Variants in XKR3 observed in about 807,000 individuals in gnomAD.
The protein encoded by XKR3 is XK-related protein 3.
In XKR3, 27 loss-of-function variants were observed where a neutral mutation model predicts 40.3. The observed-to-expected ratio is 0.67, with a 90% CI of 0.49 to 0.92. XKR3 has a LOEUF of 0.92. Ranked by LOEUF, XKR3 falls within the 40% of genes least tolerant of loss-of-function variation. The probability of loss-of-function intolerance (pLI) is 0.00; values close to 1 mark genes in which losing one functional copy is unlikely to be tolerated. For synonymous variants in XKR3, 193 were observed against 195.4 expected (o/e 0.99, Z 0.10); for missense variants, 472 against 537.6 (o/e 0.88, Z 1.21).
chr22:16,817,992 G>A lies in XKR3; in HGVS notation c.-11+7299C>T, dbSNP rs1222182223. Among the ~76,000 whole-genome samples, 3 of 151,990 alleles carry A rather than the reference G, an allele frequency of 2.0e-5. No individual in the cohort carries two copies. The East Asian group carries it at 5.8e-4, about 29-fold the overall frequency. On this transcript the variant is annotated intron_variant, in intron 1 of 3. Transcript: ENST00000684488. Reference sequence around the variant, plus strand: ...CTGCCAACTTTATTTTTTTTCCAAAGTGTATGGCAGGTATTTCATCTGTTC... The same window carrying A: ...CTGCCAACTTTATTTTTTTTCCAAAATGTATGGCAGGTATTTCATCTGTTC...
intron 1 of XKR3, chr22:16,821,783 T>C (rs1005885567): frequency 9.9e-5 from 15 of 152,120 alleles, no homozygotes; most frequent in African/African-American, 2.9e-4. Flanking sequence ...TTCAATTTCA[T>C]ATAAATTGAA....
At chr22:16,816,592 T>G in intron 1 of XKR3, among the ~76,000 whole-genome samples, 1 of 151,992 alleles carries the variant, frequency 6.6e-6, no homozygotes, top group East Asian at 1.9e-4. Flanking sequence ...ATAAAAATAA[T>G]AGGTTTTATA....
At chr22:16,820,616 T>C (rs1211078125) in intron 1 of XKR3, among the ~76,000 whole-genome samples, 1 of 135,356 alleles carries the variant, frequency 7.4e-6, no homozygotes, top group Non-Finnish European at 1.6e-5. Flanking sequence ...TGACACTTCC[T>C]AGTACGCCAT....
intron 2 of XKR3, among the ~76,000 whole-genome samples, chr22:16,802,274 C>T (rs1312693073): frequency 6.6e-6 from 1 of 152,102 alleles, no homozygotes; most frequent in Non-Finnish European, 1.5e-5. Context: ...CAGTTTTTCT[C>T]CCATCCCTTG....
At chr22:16,816,455 G>A (rs2060233977) in intron 1 of XKR3, among the ~76,000 whole-genome samples, 1 of 151,050 alleles carries the variant, frequency 6.6e-6, no homozygotes, top group Non-Finnish European at 1.5e-5. Flanking sequence ...CTAATCAAAA[G>A]GGCCCAGTTA....
At chr22:16,785,479 G>T (rs1290651985) in intron 3 of XKR3, among the ~76,000 whole-genome samples, 1 of 152,132 alleles carries the variant, frequency 6.6e-6, no homozygotes, top group Non-Finnish European at 1.5e-5. Flanking sequence ...CCAAAATTAT[G>T]AAGTAGTTGA....
Sources: allele counts gnomAD v4.1 joint callset (sites outside exome capture counted in the v4.1 genomes callset), GRCh38; gene constraint gnomAD v4.1.1; transcripts MANE v1.5; gene names NCBI Gene and HGNC (gene_info 2026-07-23, HGNC 2026-07-21).